The following CDKAL1 variants were observed in gnomAD, a reference collection of about 807,000 sequenced individuals.
The protein encoded by CDKAL1 is CDKAL1 threonylcarbamoyladenosine tRNA methylthiotransferase.
CDKAL1 carries 32 observed loss-of-function variants against 68.2 expected under a neutral mutation model. That is an observed-to-expected ratio of 0.47 (90% CI 0.35 to 0.63). The LOEUF is 0.63. Ranked by LOEUF, CDKAL1 falls within the 30% of genes least tolerant of loss-of-function variation. The pLI is 0.00. For missense variants in CDKAL1, 606 were observed against 696.7 expected, an observed-to-expected ratio of 0.87 and a Z score of 1.47; for synonymous variants, 234 against 244.3, an observed-to-expected ratio of 0.96 and a Z score of 0.39.
intron 10 of CDKAL1, among the ~76,000 whole-genome samples, chr6:20,998,942 A>G (rs571435350): frequency 6.6e-6 from 1 of 152,356 alleles, no homozygotes; most frequent in Admixed American, 6.5e-5. Flanking sequence ...TTCACAGTCA[A>G]TGAAAAGAAA....
chr6:21,194,055 C>T (rs1176035945), intron 13 of CDKAL1, among the ~76,000 whole-genome samples: 2 of 152,194 alleles, frequency 1.3e-5, no homozygotes, highest in South Asian at 2.1e-4. Context: ...GAAAGGCAGC[C>T]TCACATTATA....
chr6:20,911,491 A>C (rs933463650), intron 9 of CDKAL1, among the ~76,000 whole-genome samples: 1 of 152,232 alleles, frequency 6.6e-6, no homozygotes, highest in Non-Finnish European at 1.5e-5. Flanking sequence ...GTAATCTCTT[A>C]TGTGGGCAGG....
At chr6:20,569,149 C>T (rs149025923) in intron 4 of CDKAL1, among the ~76,000 whole-genome samples, 5 of 152,240 alleles carry the variant, frequency 3.3e-5, no homozygotes, top group Non-Finnish European at 5.9e-5. Context: ...AGATGTAAAA[C>T]GTTGAATGAT....
At chr6:20,656,389 G>A (rs183636232) in intron 5 of CDKAL1, among the ~76,000 whole-genome samples, 1 of 152,270 alleles carries the variant, frequency 6.6e-6, no homozygotes, top group African/African-American at 2.4e-5. Flanking sequence ...GATGGAAGAG[G>A]GGAGTTAGGG....
At chr6:21,174,272 G>T (rs1313296704) in intron 13 of CDKAL1, among the ~76,000 whole-genome samples, 1 of 152,192 alleles carries the variant, frequency 6.6e-6, no homozygotes, top group East Asian at 1.9e-4. Context: ...ATGTATTCTT[G>T]TATAGGACAG....
chr6:20,827,729 G>A (rs545440479), intron 8 of CDKAL1, among the ~76,000 whole-genome samples: 24 of 152,240 alleles, frequency 1.6e-4, no homozygotes, highest in Admixed American at 3.3e-4. Context: ...CATAAAGATA[G>A]GTGATTTGTC....
intron 9 of CDKAL1, among the ~76,000 whole-genome samples, chr6:20,851,623 G>A (rs1190735695): frequency 1.3e-5 from 2 of 151,952 alleles, no homozygotes; most frequent in East Asian, 3.9e-4. Flanking sequence ...AACTGGTTAT[G>A]GAAAGGTAAA....
At chr6:20,947,781 A>G (rs183595376) in intron 9 of CDKAL1, among the ~76,000 whole-genome samples, 4 of 152,244 alleles carry the variant, frequency 2.6e-5, no homozygotes, top group East Asian at 3.9e-4. Flanking sequence ...ATCTCATGCA[A>G]TGTGTTGAAT....
At chr6:20,627,228 A>G (rs747194564) in intron 4 of CDKAL1, among the ~76,000 whole-genome samples, 2 of 152,168 alleles carry the variant, frequency 1.3e-5, no homozygotes. Flanking sequence ...ACCTAGAACT[A>G]AGAAGACAAA....
intron 5 of CDKAL1, among the ~76,000 whole-genome samples, chr6:20,689,246 C>T (rs1037067172): frequency 8.5e-5 from 13 of 152,166 alleles, no homozygotes; most frequent in African/African-American, 2.7e-4. Context: ...TAAAAATTCA[C>T]GCAAGTATGG....
At chr6:20,765,952 G>A (rs1774684338) in intron 7 of CDKAL1, among the ~76,000 whole-genome samples, 1 of 151,824 alleles carries the variant, frequency 6.6e-6, no homozygotes, top group South Asian at 2.1e-4. Context: ...TTTAAACATT[G>A]TAAGTGGTCA....
chr6:20,985,234 A>T (rs1425576977), intron 10 of CDKAL1, among the ~76,000 whole-genome samples: 1 of 152,132 alleles, frequency 6.6e-6, no homozygotes, highest in Non-Finnish European at 1.5e-5. Flanking sequence ...TTGGGTGTGG[A>T]CATTCAAAAG....
intron 8 of CDKAL1, among the ~76,000 whole-genome samples, chr6:20,843,211 C>G (rs1778244551): frequency 6.6e-6 from 1 of 151,904 alleles, no homozygotes; most frequent in Non-Finnish European, 1.5e-5. Context: ...CTACCAGTAG[C>G]CAACACTTAC....
chr6:21,159,713 C>T (rs1776818527), intron 13 of CDKAL1, among the ~76,000 whole-genome samples: 1 of 152,206 alleles, frequency 6.6e-6, no homozygotes, highest in African/African-American at 2.4e-5. Context: ...ACAGATAATC[C>T]ACTCTGAACA....
chr6:21,208,902 T>A (rs1779041717), intron 15 of CDKAL1, among the ~76,000 whole-genome samples: 2 of 152,200 alleles, frequency 1.3e-5, no homozygotes, highest in African/African-American at 4.8e-5. Context: ...GTGTACCAAT[T>A]TGAGTACCAT....
At position 20,879,057 on chromosome 6, in the gene CDKAL1, T is replaced by C. The variant is rs769019844; in HGVS notation, c.742+32879T>C. ...TCGCACCATTGCACTCCAGCCTGGG[T>C]GACAGAGCAAGATTCTATCTCATTA... On this transcript the variant is annotated intron_variant, in intron 9 of 15. Transcript: ENST00000274695. 4.0e-4 allele frequency among the ~76,000 whole-genome samples: 61 copies of C among 150,870 alleles called. 1 individual carries two copies. The highest frequency in any genetic ancestry group is 4.0e-4 in the Non-Finnish European group (27 of 67,732).
At chr6:20,791,626 C>T (rs191164610) in intron 8 of CDKAL1, among the ~76,000 whole-genome samples, 2 of 152,166 alleles carry the variant, frequency 1.3e-5, no homozygotes, top group Admixed American at 1.3e-4. Context: ...GAATATGGGG[C>T]TAATGTAGTG....
At chr6:21,203,276 C>A (rs1582410010) in intron 15 of CDKAL1, among the ~76,000 whole-genome samples, 1 of 132,076 alleles carries the variant, frequency 7.6e-6, no homozygotes, top group East Asian at 2.2e-4. Flanking sequence ...ACTCTGTTGC[C>A]CAGCCTGGAG....
chr6:20,990,321 CTG>C (rs1357936186), intron 10 of CDKAL1, among the ~76,000 whole-genome samples: 5 of 152,148 alleles, frequency 3.3e-5, no homozygotes, highest in Non-Finnish European at 1.5e-5. Flanking sequence ...GTAATTATAA[CTG>C]TTAGCATTTT....
Sources: gnomAD v4.1 joint callset for allele counts (sites outside exome capture counted in the v4.1 genomes callset) on GRCh38, gnomAD v4.1.1 for gene constraint, MANE v1.5 for transcripts, NCBI Gene and HGNC (gene_info 2026-07-23, HGNC 2026-07-21) for gene names.